The following GRIA4 variants were observed in gnomAD, a reference collection of about 807,000 sequenced individuals.
GRIA4 encodes glutamate ionotropic receptor AMPA type subunit 4, also known as glutamate receptor 4.
Under a neutral mutation model 104.0 loss-of-function variants are expected in GRIA4, and 34 were observed. The observed-to-expected ratio is 0.33, with a 90% CI of 0.25 to 0.44. GRIA4 has a LOEUF of 0.44. Among genes scored for constraint, GRIA4 ranks in the 20% least tolerant of loss-of-function variants. GRIA4 has a pLI of 1.00. For missense variants in GRIA4, 750 were observed against 1,096.5 expected (o/e 0.68, Z 4.46); for synonymous variants, 386 against 381.9 (o/e 1.01, Z -0.13).
chr11:105,756,897 T>C (rs1019809737), intron 4 of GRIA4, among the ~76,000 whole-genome samples: 91 of 152,220 alleles, frequency 6.0e-4, no homozygotes, highest in African/African-American at 2.0e-3. Flanking sequence ...ATGAGGATCA[T>C]CCATCCCAGC....
chr11:105,915,598 G>A (rs891132620), intron 10 of GRIA4, among the ~76,000 whole-genome samples: 1 of 152,066 alleles, frequency 6.6e-6, no homozygotes, highest in African/African-American at 2.4e-5. Flanking sequence ...TATTTATTTA[G>A]TGCCTTCTAT....
chr11:105,694,541 TATTA>T (rs1025373160), intron 3 of GRIA4, among the ~76,000 whole-genome samples: 5 of 152,070 alleles, frequency 3.3e-5, no homozygotes, highest in Admixed American at 6.5e-5. Flanking sequence ...ACATAAATAT[TATTA>T]ATTATTTTAT....
At chr11:105,704,828 T>A (rs1239886902) in intron 3 of GRIA4, among the ~76,000 whole-genome samples, 1 of 152,144 alleles carries the variant, frequency 6.6e-6, no homozygotes, top group Non-Finnish European at 1.5e-5. Flanking sequence ...ATTATAGCAA[T>A]GTTTCTCCCA....
chr11:105,938,205 T>C (rs1235835148), intron 14 of GRIA4, among the ~76,000 whole-genome samples: 1 of 152,228 alleles, frequency 6.6e-6, no homozygotes, highest in Non-Finnish European at 1.5e-5. Context: ...AAAATGTTAT[T>C]ATCCTAAGGA....
intron 4 of GRIA4, among the ~76,000 whole-genome samples, chr11:105,761,640 T>C (rs1421668770): frequency 6.6e-6 from 1 of 152,174 alleles, no homozygotes; most frequent in Non-Finnish European, 1.5e-5. Flanking sequence ...TGAAAAGGGC[T>C]GTGTTCTAAT....
chr11:105,709,405 G>T (rs1003993552), intron 3 of GRIA4, among the ~76,000 whole-genome samples: 3 of 152,144 alleles, frequency 2.0e-5, no homozygotes, highest in Admixed American at 2.0e-4. Flanking sequence ...CATAATTGCT[G>T]CAGGAAAGAA....
At chr11:105,943,592 TCTC>T (rs1187116761) in intron 14 of GRIA4, among the ~76,000 whole-genome samples, 1 of 152,098 alleles carries the variant, frequency 6.6e-6, no homozygotes, top group African/African-American at 2.4e-5. Context: ...TTTTCATTTT[TCTC>T]CTCATCACAA....
At chr11:105,927,940 T>G (rs758155026) in intron 13 of GRIA4, among the ~76,000 whole-genome samples, 9 of 151,998 alleles carry the variant, frequency 5.9e-5, no homozygotes, top group Non-Finnish European at 1.2e-4. Context: ...TTTTATTACT[T>G]TCTAAGCTTT....
At chr11:105,793,789 A>G (rs1394884274) in intron 4 of GRIA4, among the ~76,000 whole-genome samples, 4 of 151,992 alleles carry the variant, frequency 2.6e-5, no homozygotes, top group Non-Finnish European at 5.9e-5. Context: ...ACTGTCCAAA[A>G]ATAGAGATAT....
At chr11:105,850,579 C>T (rs898878400) in intron 4 of GRIA4, among the ~76,000 whole-genome samples, 8 of 152,052 alleles carry the variant, frequency 5.3e-5, no homozygotes, top group South Asian at 2.1e-4. Context: ...TGAGCAGTGC[C>T]GGGACAACAT....
Position 105,866,551 on chromosome 11 carries a change from G to GTGTATATATATA in GRIA4, c.672+4344_672+4345insGTATATATATAT, listed in dbSNP as rs1299256765. On this transcript the variant is annotated intron_variant, in intron 5 of 16. Transcript: ENST00000282499. ...TATACGCATATGTGTGTGTGTGTGTGTATATATATATATATATATATATAT... is the reference window on the plus strand; with the variant it reads ...TATACGCATATGTGTGTGTGTGTGTGTGTATATATATATATATATATATATATATATATATAT... Among the ~76,000 whole-genome samples, 377 of 76,582 alleles carry GTGTATATATATA rather than the reference G, an allele frequency of 4.9e-3. 3 individuals are homozygous for GTGTATATATATA. Among genetic ancestry groups the GTGTATATATATA allele is most frequent in the South Asian group, 0.016 (31 of 1,968 alleles). 50.2% of individuals were successfully genotyped at this position (76,582 alleles called of 152,430 possible).
At chr11:105,790,515 G>C (rs1050535653) in intron 4 of GRIA4, among the ~76,000 whole-genome samples, 1 of 152,088 alleles carries the variant, frequency 6.6e-6, no homozygotes, top group Non-Finnish European at 1.5e-5. Flanking sequence ...TCCCTTGCCG[G>C]TTTTTAAACT....
chr11:105,672,899 G>A (rs558224727), intron 3 of GRIA4, among the ~76,000 whole-genome samples: 1 of 151,952 alleles, frequency 6.6e-6, no homozygotes, highest in Admixed American at 6.6e-5. Context: ...TTAAATGCAG[G>A]TATTCATTTA....
rs567842586 is a variant in GRIA4, at chr11:105,906,801, T to G, written c.1158+1500T>G. On this transcript the variant is annotated intron_variant, in intron 9 of 16. Transcript: ENST00000282499. ...GAAGGAGATGTTAAGAACAGCCCAC[T>G]CTACCAGCACACAGCCAGCAACAAA... is the stretch of plus-strand genomic sequence containing the variant. 3.9e-5 allele frequency among the ~76,000 whole-genome samples: 6 copies of G among 152,174 alleles called. No homozygotes were observed. The South Asian group carries it at 1.0e-3, about 26-fold the overall frequency.
intron 4 of GRIA4, among the ~76,000 whole-genome samples, chr11:105,795,667 A>G (rs1361646682): frequency 1.3e-5 from 2 of 152,182 alleles, no homozygotes; most frequent in East Asian, 1.9e-4. Context: ...AGGGGTAAGC[A>G]CTAAGCCAGG....
At chr11:105,848,624 T>C (rs993335155) in intron 4 of GRIA4, among the ~76,000 whole-genome samples, 2 of 152,186 alleles carry the variant, frequency 1.3e-5, no homozygotes, top group African/African-American at 4.8e-5. Flanking sequence ...CATCAGTTAG[T>C]TGCTATCCTG....
At position 105,872,951 on chromosome 11, in the gene GRIA4, TTCTGGGA is replaced by T. The variant is rs886348853; in HGVS notation, c.672+10745_672+10751del. 5.3e-4 allele frequency among the ~76,000 whole-genome samples: 80 copies of T among 152,220 alleles called. 1 individual carries two copies. Among genetic ancestry groups the T allele is most frequent in the Middle Eastern group, 3.4e-3 (1 of 294 alleles). The stretch of plus-strand genomic sequence containing the variant: ...GTGTATCTTTTTTTATTTTTTTAAG[TTCTGGGA>T]TACATGTGCAGAATGTGCAGGTTTA... On this transcript the variant is annotated intron_variant, in intron 5 of 16. Transcript: ENST00000282499.
At position 105,781,421 on chromosome 11, in the gene GRIA4, T is replaced by C. The variant is rs547585036; in HGVS notation, c.487+28201T>C. On this transcript the variant is annotated intron_variant, in intron 4 of 16. Transcript: ENST00000282499. ...TTTATTCATATATGCTCTTGTTCTTTTCTCTCCCACAATTTGAAGTCTAAA... is the reference window on the plus strand; with the variant it reads ...TTTATTCATATATGCTCTTGTTCTTCTCTCTCCCACAATTTGAAGTCTAAA... Among the ~76,000 whole-genome samples the C allele has an allele frequency of 5.9e-5, 9 of 152,282 alleles. No homozygotes were observed. In the South Asian group the frequency reaches 1.7e-3, roughly 28 times the overall value.
intron 4 of GRIA4, among the ~76,000 whole-genome samples, chr11:105,772,140 T>A (rs1941235986): frequency 6.6e-6 from 1 of 152,160 alleles, no homozygotes; most frequent in Non-Finnish European, 1.5e-5. Flanking sequence ...TAATCATCTC[T>A]ACCTAAACAG....
Sources: gnomAD v4.1 joint callset for allele counts (sites outside exome capture counted in the v4.1 genomes callset) on GRCh38, gnomAD v4.1.1 for gene constraint, MANE v1.5 for transcripts, NCBI Gene and HGNC (gene_info 2026-07-23, HGNC 2026-07-21) for gene names.